Variants in MTERF4 observed in about 807,000 individuals in gnomAD.
MTERF4 encodes the protein transcription termination factor 4, mitochondrial.
MTERF4 carries 17 observed loss-of-function variants against 22.5 expected under a neutral mutation model. The ratio of observed to expected loss-of-function variants is 0.75; its 90% CI spans 0.52 to 1.13. MTERF4 has a LOEUF of 1.13. Among genes scored for constraint, MTERF4 ranks in the 50% most tolerant of loss-of-function variants. MTERF4 has a pLI of 0.00. For missense variants in MTERF4, 420 were observed against 466.8 expected (o/e 0.90, Z 0.92); for synonymous variants, 165 against 175.3 (o/e 0.94, Z 0.47).
At chr2:241,099,081 C>CTT (rs11343341) in intron 2 of MTERF4, 111 of 194,282 alleles carry the variant, frequency 5.7e-4, no homozygotes, top group South Asian at 1.2e-3. Flanking sequence ...TATATAAAAT[C>CTT]TTTTTTTTTT....
chr2:241,064,061 G>A, the MTERF4 span: 1 of 1,569,038 alleles, frequency 6.4e-7, no homozygotes, highest in Non-Finnish European at 8.6e-7. This position sits in a 1 kb window ranked among gnomAD's most constrained non-coding sequence, Gnocchi z 7.0. Context: ...GCCGGTGTGA[G>A]AGCGGCGGCG....
At chr2:241,059,030 T>C in the MTERF4 span, among the ~76,000 whole-genome samples, 1 of 151,846 alleles carries the variant, frequency 6.6e-6, no homozygotes, top group Non-Finnish European at 1.5e-5. Context: ...AAGATCAAAA[T>C]AGAAAAGGAG....
chr2:241,093,342 G>T (rs1312871521), downstream of MTERF4: 2 of 152,636 alleles, frequency 1.3e-5, no homozygotes, highest in African/African-American at 2.4e-5. Flanking sequence ...TGCTAAGATC[G>T]AGTGATATCA....
At chr2:241,070,640 G>A (rs1218654704), downstream of MTERF4, among the ~76,000 whole-genome samples, 1 of 152,212 alleles carries the variant, frequency 6.6e-6, no homozygotes, top group African/African-American at 2.4e-5. Flanking sequence ...AGGAATGCTG[G>A]GGAGCAGAGG....
the MTERF4 span, among the ~76,000 whole-genome samples, chr2:241,054,900 T>A: frequency 1.2e-4 from 18 of 152,280 alleles, no homozygotes; most frequent in Middle Eastern, 0.014. Flanking sequence ...GTGGATCACC[T>A]GAGGTCAGGA....
chr2:241,077,575 A>G (rs1333130428), intron 4 of MTERF4, among the ~76,000 whole-genome samples: 1 of 152,032 alleles, frequency 6.6e-6, no homozygotes, highest in Non-Finnish European at 1.5e-5. Flanking sequence ...TAAAAAGACA[A>G]ACAACCCAGT....
the MTERF4 span, among the ~76,000 whole-genome samples, chr2:241,047,094 G>A: frequency 1.4e-5 from 2 of 146,308 alleles, no homozygotes; most frequent in African/African-American, 2.6e-5. Context: ...GCAGTGAGCC[G>A]AGATCGCGCC....
chr2:241,065,945 G>C, the MTERF4 span, among the ~76,000 whole-genome samples: 2 of 150,738 alleles, frequency 1.3e-5, no homozygotes, highest in Middle Eastern at 3.2e-3. Flanking sequence ...GGGGCCGCGG[G>C]GGTGGGCTTG....
At chr2:241,070,044 G>C, downstream of MTERF4, 1 of 1,613,036 alleles carries the variant, frequency 6.2e-7, no homozygotes, top group East Asian at 2.2e-5. Flanking sequence ...CCACCAGCCA[G>C]AGCACCAAGA....
At chr2:241,084,318 G>T (rs1357917663), downstream of MTERF4, among the ~76,000 whole-genome samples, 1 of 151,830 alleles carries the variant, frequency 6.6e-6, no homozygotes, top group African/African-American at 2.4e-5. Flanking sequence ...TGTATTTTTA[G>T]TAGAGACAAA....
At chr2:241,050,123 G>A in the MTERF4 span, 1 of 647,654 alleles carries the variant, frequency 1.5e-6, no homozygotes, top group South Asian at 1.7e-5. Flanking sequence ...GTTCTGATCT[G>A]CACCAGTGCC....
Position 241,095,882 on chromosome 2 carries a change from A to G in MTERF4, c.*116T>C. The stretch of plus-strand genomic sequence containing the variant: ...TTATAATTTTTTTCATCAAGAGACC[A>G]GTTTTAGAATAAAAAATAACTTGAG... On this transcript the variant is annotated 3_prime_UTR_variant, in exon 4 of 4. Coordinates refer to ENST00000391980, the MANE Select transcript of MTERF4 (RefSeq NM_182501.4). 1 of 1,503,940 alleles carries G rather than the reference A, an allele frequency of 6.6e-7. No individual in the cohort carries two copies. Among genetic ancestry groups the G allele is most frequent in the Non-Finnish European group, 8.9e-7 (1 of 1,129,048 alleles). 93.2% of individuals were successfully genotyped at this position (1,503,940 alleles called of 1,614,324 possible). A position where few individuals can be genotyped will look rare whatever the true frequency, so the allele number is the denominator to read the frequency against.
chr2:241,071,106 G>C (rs2062690572), downstream of MTERF4, among the ~76,000 whole-genome samples: 3 of 152,294 alleles, frequency 2.0e-5, no homozygotes, highest in Non-Finnish European at 4.4e-5. Flanking sequence ...GGCCCAGCCT[G>C]GGAGGCTGAA....
chr2:241,092,060 C>G (rs916630509), downstream of MTERF4: 1 of 152,256 alleles, frequency 6.6e-6, no homozygotes, highest in African/African-American at 2.4e-5. The surrounding 1 kb of genome is among the most constrained non-coding windows in gnomAD (Gnocchi z 4.6). Flanking sequence ...CGAGGCCCAA[C>G]AAATTGAGAA....
chr2:241,046,915 C>T, the MTERF4 span, among the ~76,000 whole-genome samples: 4 of 152,224 alleles, frequency 2.6e-5, no homozygotes, highest in South Asian at 6.2e-4. Context: ...GAGGCCAAGG[C>T]AGGCGGATCA....
chr2:241,053,133 C>A, the MTERF4 span: 1 of 1,602,030 alleles, frequency 6.2e-7, no homozygotes, highest in South Asian at 1.1e-5. Flanking sequence ...CCGTGCGAGA[C>A]AGGCTGCCGT....
At chr2:241,082,390 T>TA (rs1392239605), downstream of MTERF4, 2 of 1,577,120 alleles carry the variant, frequency 1.3e-6, no homozygotes, top group Non-Finnish European at 8.7e-7. Flanking sequence ...TCCTCCGCCT[T>TA]ACCGCATTTG....
the MTERF4 span, chr2:241,053,063 G>T: frequency 8.0e-7 from 1 of 1,247,116 alleles, no homozygotes; most frequent in Non-Finnish European, 1.1e-6. Context: ...GACATCCCTG[G>T]GCCCTGCAGT....
the MTERF4 span, chr2:241,052,306 G>A: frequency 1.1e-5 from 17 of 1,513,852 alleles, no homozygotes; most frequent in Admixed American, 3.6e-5. Flanking sequence ...ACACAGTCCC[G>A]AGCCTTCAGG....
Sources: allele counts gnomAD v4.1 joint callset (sites outside exome capture counted in the v4.1 genomes callset), GRCh38; gene constraint gnomAD v4.1.1; non-coding constraint Gnocchi (gnomAD v3.1); transcripts MANE v1.5; gene names NCBI Gene and HGNC (gene_info 2026-07-23, HGNC 2026-07-21).